CNTN4: variants seen among roughly 807,000 people sequenced by gnomAD.
CNTN4 encodes the protein contactin 4, also known as contactin-4.
Under a neutral mutation model 122.5 loss-of-function variants are expected in CNTN4, and 77 were observed. The observed-to-expected ratio is 0.63, with a 90% CI of 0.52 to 0.76. The LOEUF is 0.76. Among genes scored for constraint, CNTN4 ranks in the 30% least tolerant of loss-of-function variants. The probability of loss-of-function intolerance (pLI) is 0.00; values close to 1 mark genes in which losing one functional copy is unlikely to be tolerated. For synonymous variants in CNTN4, 512 were observed against 447.0 expected (o/e 1.15, Z -1.83); for missense variants, 1,256 against 1,259.1 (o/e 1.00, Z 0.04).
chr3:3,035,253 AGC>A (rs1283665718), intron 17 of CNTN4, among the ~76,000 whole-genome samples: 6 of 149,150 alleles, frequency 4.0e-5, no homozygotes, highest in Admixed American at 1.4e-4. Context: ...GGTTGCAGTG[AGC>A]CAAGATCACA....
At chr3:2,604,455 T>G (rs1473186896) in intron 4 of CNTN4, among the ~76,000 whole-genome samples, 1 of 152,192 alleles carries the variant, frequency 6.6e-6, no homozygotes, top group African/African-American at 2.4e-5. Flanking sequence ...AGTTCTTATG[T>G]TCAGTTGGAT....
intron 8 of CNTN4, among the ~76,000 whole-genome samples, chr3:2,872,198 GA>G (rs2093794055): frequency 6.6e-6 from 1 of 152,114 alleles, no homozygotes. Context: ...AACTACTAAA[GA>G]AATAGTAGCC....
intron 3 of CNTN4, among the ~76,000 whole-genome samples, chr3:2,468,508 G>C (rs80187979): frequency 0.011 from 1,746 of 152,280 alleles, 42 homozygotes; most frequent in African/African-American, 0.04. Flanking sequence ...GAAATGCAGA[G>C]TCTTACGGTA....
intron 3 of CNTN4, among the ~76,000 whole-genome samples, chr3:2,463,497 C>T (rs185968293): frequency 4.1e-4 from 63 of 152,286 alleles, no homozygotes; most frequent in African/African-American, 1.3e-3. Flanking sequence ...CGGTGGCCCA[C>T]GCCTGTAATC....
At chr3:2,310,163 C>T (rs1448239198) in intron 2 of CNTN4, among the ~76,000 whole-genome samples, 5 of 152,078 alleles carry the variant, frequency 3.3e-5, no homozygotes, top group Non-Finnish European at 7.4e-5. Flanking sequence ...TGAGACATTA[C>T]GATAAGGGGA....
At chr3:2,180,145 G>A (rs1260490672) in intron 2 of CNTN4, among the ~76,000 whole-genome samples, 1 of 151,810 alleles carries the variant, frequency 6.6e-6, no homozygotes, top group Non-Finnish European at 1.5e-5. Context: ...TTTTATAGAT[G>A]TTTTTATGAG....
In CNTN4 at chr3:2,709,075, C is replaced by T. The variant is rs2086938120; in HGVS notation, c.56-27140C>T. On this transcript the variant is annotated intron_variant, in intron 4 of 24. Transcript: ENST00000418658. This position sits in a 1 kb window ranked among gnomAD's most constrained non-coding sequence, Gnocchi z 5.0. ...TCATAGACCATCCCCCCTCTGCTGC[C>T]ACTGAATTTCATTTAGACCTCGGTG... Among the ~76,000 whole-genome samples, 1 of 152,078 alleles carries T rather than the reference C, an allele frequency of 6.6e-6. No homozygotes were observed. The highest frequency in any genetic ancestry group is 2.4e-5 in the African/African-American group (1 of 41,410).
intron 2 of CNTN4, among the ~76,000 whole-genome samples, chr3:2,155,261 A>G (rs1301352871): frequency 1.3e-5 from 2 of 152,130 alleles, no homozygotes; most frequent in Non-Finnish European, 2.9e-5. Flanking sequence ...GCAGCAATGA[A>G]AATTTGACTC....
intron 3 of CNTN4, among the ~76,000 whole-genome samples, chr3:2,356,685 C>T (rs2044887171): frequency 6.6e-6 from 1 of 152,146 alleles, no homozygotes; most frequent in Non-Finnish European, 1.5e-5. Context: ...GAATGCAGCC[C>T]AGTAGATCTT....
chr3:2,281,641 C>G (rs1177648573), intron 2 of CNTN4, among the ~76,000 whole-genome samples: 3 of 151,946 alleles, frequency 2.0e-5, no homozygotes, highest in Non-Finnish European at 4.4e-5. Context: ...TTCTTGACAA[C>G]CTTCTATAGT....
intron 6 of CNTN4, among the ~76,000 whole-genome samples, chr3:2,754,759 GA>G (rs1194329291): frequency 6.9e-6 from 1 of 145,872 alleles, no homozygotes; most frequent in Non-Finnish European, 1.5e-5. Flanking sequence ...AAAAAAAAAA[GA>G]AAAGAAAAAA....
At chr3:2,447,682 A>G (rs186087666) in intron 3 of CNTN4, among the ~76,000 whole-genome samples, 36 of 152,260 alleles carry the variant, frequency 2.4e-4, no homozygotes, top group Non-Finnish European at 3.4e-4. Context: ...CTGAATGAAT[A>G]TATTAAAAAT....
chr3:2,220,763 G>T (rs936302041), intron 2 of CNTN4, among the ~76,000 whole-genome samples: 8 of 152,122 alleles, frequency 5.3e-5, no homozygotes, highest in African/African-American at 1.7e-4. Flanking sequence ...CTCAATAAAT[G>T]CCAATTACCA....
At chr3:2,672,200 C>G (rs778659896) in intron 4 of CNTN4, among the ~76,000 whole-genome samples, 8 of 152,218 alleles carry the variant, frequency 5.3e-5, no homozygotes, top group Non-Finnish European at 1.0e-4. Flanking sequence ...TGGCTATGCC[C>G]TGCCCCCAGT....
rs190149355 is a variant in CNTN4 at position 2,432,333 on chromosome 3, C to A, written c.-89+93100C>A. On this transcript the variant is annotated intron_variant, in intron 3 of 24. Transcript: ENST00000418658. The stretch of plus-strand genomic sequence containing the variant: ...AGATGTTGGGGAAAGCAAACATGGT[C>A]CTTACTCTATAAATGTGTATTCTGT... 8.5e-5 allele frequency among the ~76,000 whole-genome samples: 13 copies of A among 152,256 alleles called. No homozygotes were observed. The East Asian group carries it at 2.3e-3, about 27-fold the overall frequency.
At chr3:2,348,983 T>C (rs569432556) in intron 3 of CNTN4, among the ~76,000 whole-genome samples, 2 of 152,334 alleles carry the variant, frequency 1.3e-5, no homozygotes, top group East Asian at 3.9e-4. Flanking sequence ...CTAAGCAAGT[T>C]TAAATCTGAT....
At chr3:2,720,774 A>G (rs901167777) in intron 4 of CNTN4, among the ~76,000 whole-genome samples, 9 of 152,208 alleles carry the variant, frequency 5.9e-5, no homozygotes, top group Non-Finnish European at 8.8e-5. Context: ...ATTAGGTGCC[A>G]GAAACTAATC....
intron 2 of CNTN4, among the ~76,000 whole-genome samples, chr3:2,118,375 T>C (rs2033513559): frequency 6.6e-6 from 1 of 152,184 alleles, no homozygotes; most frequent in Admixed American, 6.5e-5. Context: ...TTAAAACCCC[T>C]TAGTATGTAC....
intron 4 of CNTN4, among the ~76,000 whole-genome samples, chr3:2,608,647 A>G (rs1231110401): frequency 6.6e-6 from 1 of 152,016 alleles, no homozygotes; most frequent in African/African-American, 2.4e-5. Flanking sequence ...ATGCCTGGCT[A>G]ATTTTTTCTC....
Sources: allele counts gnomAD v4.1 joint callset (sites outside exome capture counted in the v4.1 genomes callset), GRCh38; gene constraint gnomAD v4.1.1; non-coding constraint Gnocchi (gnomAD v3.1); transcripts MANE v1.5; gene names NCBI Gene and HGNC (gene_info 2026-07-23, HGNC 2026-07-21).